SASH1: variants seen among roughly 807,000 people sequenced by gnomAD.
The protein encoded by SASH1 is SAM and SH3 domain-containing protein 1.
In SASH1, 44 loss-of-function variants were observed where a neutral mutation model predicts 125.2. The ratio of observed to expected loss-of-function variants is 0.35; its 90% CI spans 0.28 to 0.45. The LOEUF is 0.45. Ranked by LOEUF, SASH1 falls within the 20% of genes least tolerant of loss-of-function variation. The probability of loss-of-function intolerance (pLI) is 1.00; values close to 1 mark genes in which losing one functional copy is unlikely to be tolerated. For synonymous variants in SASH1, 639 were observed against 649.1 expected (o/e 0.98, Z 0.24); for missense variants, 1,426 against 1,614.5 (o/e 0.88, Z 2.00).
At chr6:148,330,148 G>A (rs1780948618) in intron 1 of SASH1, among the ~76,000 whole-genome samples, 1 of 152,108 alleles carries the variant, frequency 6.6e-6, no homozygotes, top group Non-Finnish European at 1.5e-5. Flanking sequence ...GTTATATTCA[G>A]CTCACTGCCT....
chr6:148,212,728 T>C, the SASH1 span, among the ~76,000 whole-genome samples: 1 of 152,230 alleles, frequency 6.6e-6, no homozygotes, highest in African/African-American at 2.4e-5. Context: ...CTGTGTGTCA[T>C]GCACTCACTT....
At chr6:148,427,546 G>A (rs1319971155) in intron 2 of SASH1, among the ~76,000 whole-genome samples, 1 of 151,758 alleles carries the variant, frequency 6.6e-6, no homozygotes, top group African/African-American at 2.4e-5. Context: ...AAAATGCTTG[G>A]TATGTGGTAT....
In SASH1 at chr6:148,463,051, C is replaced by G. The variant is rs144608558; in HGVS notation, c.387-5494C>G. ...TGTGTTCCTCCTCCTACTCTATGGT[C>G]TTACGAGGATCTCCACTGTAAAGCA... is the stretch of plus-strand genomic sequence containing the variant. On this transcript the variant is annotated intron_variant, in intron 4 of 19. Coordinates refer to ENST00000367467, the MANE Select transcript of SASH1 (RefSeq NM_015278.5). Among the ~76,000 whole-genome samples, 430 of 152,098 alleles carry G rather than the reference C, an allele frequency of 2.8e-3. 1 individual carries two copies. The highest frequency in any genetic ancestry group is 4.8e-3 in the Non-Finnish European group (328 of 68,012).
chr6:148,459,859 G>T (rs1028338902), intron 4 of SASH1, among the ~76,000 whole-genome samples: 43 of 152,158 alleles, frequency 2.8e-4, no homozygotes, highest in Admixed American at 2.5e-3. Flanking sequence ...AGGAAACTGG[G>T]AATCAGTGGG....
chr6:148,284,158 G>A (rs1779421740), intron 1 of SASH1, among the ~76,000 whole-genome samples: 1 of 152,140 alleles, frequency 6.6e-6, no homozygotes, highest in Admixed American at 6.5e-5. Context: ...ATAATACATG[G>A]CCAAGCATGT....
In SASH1 at chr6:148,474,298, G is replaced by C. The variant is rs1464427816; in HGVS notation, c.627+76G>C. ...GTGTAAAAATGTTTGCGGCCAACAAGGGGTATAGGAATCAGGTACCCATGT... is the reference window on the plus strand; with the variant it reads ...GTGTAAAAATGTTTGCGGCCAACAACGGGTATAGGAATCAGGTACCCATGT... On this transcript the variant is annotated intron_variant, in intron 7 of 19. Transcript: ENST00000367467. The C allele has an allele frequency of 8.5e-6, 7 of 820,266 alleles. No homozygotes were observed. The East Asian group carries it at 1.6e-4, about 19-fold the overall frequency. The allele number at this position is 820,266 out of a possible 1,614,324, so 50.8% of individuals were successfully genotyped here.
In SASH1 at chr6:148,282,159, G is replaced by A. The variant is rs142459211; in HGVS notation, n.74+9782G>A. On this transcript the variant is annotated intron_variant and non_coding_transcript_variant, in intron 1 of 3. Coordinates refer to the SASH1 transcript ENST00000367469. ...TATCTTCACAGAAAGGTCTCCGCCC[G>A]GGGCTACAGTCAGCCAGTGGCTGAG... is the stretch of plus-strand genomic sequence containing the variant. 2.9e-3 allele frequency among the ~76,000 whole-genome samples: 435 copies of A among 152,280 alleles called. 4 individuals carry two copies. The highest frequency in any genetic ancestry group is 0.015 in the South Asian group (74 of 4,826).
chr6:148,429,432 A>T (rs1245353776), intron 2 of SASH1, among the ~76,000 whole-genome samples: 2 of 147,602 alleles, frequency 1.4e-5, no homozygotes, highest in Non-Finnish European at 3.0e-5. Flanking sequence ...AAAAAGAGTC[A>T]GGCTTATTGG....
intron 8 of SASH1, among the ~76,000 whole-genome samples, chr6:148,498,653 A>G (rs1779422957): frequency 1.3e-5 from 2 of 152,234 alleles, no homozygotes; most frequent in Admixed American, 6.5e-5. Context: ...CATACCACAG[A>G]GGATATGCCA....
At chr6:148,396,754 A>G (rs775698424) in intron 2 of SASH1, among the ~76,000 whole-genome samples, 17 of 152,180 alleles carry the variant, frequency 1.1e-4, no homozygotes, top group Non-Finnish European at 2.1e-4. Context: ...AAAGAGGCTG[A>G]GGGAGTCACA....
chr6:148,486,751 C>CA (rs58789520), intron 7 of SASH1, among the ~76,000 whole-genome samples: 1,547 of 76,918 alleles, frequency 0.02, 34 homozygotes, highest in African/African-American at 0.065. Flanking sequence ...CCCATCTCTA[C>CA]AAAAAAAAAA....
chr6:148,313,713 G>A (rs1780399069), intron 1 of SASH1, among the ~76,000 whole-genome samples: 1 of 152,146 alleles, frequency 6.6e-6, no homozygotes, highest in Non-Finnish European at 1.5e-5. Context: ...GGCCTCGGTG[G>A]CTGTGGCACG....
intron 2 of SASH1, among the ~76,000 whole-genome samples, chr6:148,425,149 G>A (rs545311314): frequency 1.3e-5 from 2 of 152,250 alleles, no homozygotes; most frequent in South Asian, 2.1e-4. Flanking sequence ...AAGGTGCAGT[G>A]GTCAGATGTG....
At chr6:148,380,418 A>G (rs893290059) in intron 1 of SASH1, among the ~76,000 whole-genome samples, 2 of 152,212 alleles carry the variant, frequency 1.3e-5, no homozygotes, top group African/African-American at 4.8e-5. Flanking sequence ...GAAAATGTTC[A>G]CAGCCTCACG....
At chr6:148,356,628 T>C (rs9403948) in intron 1 of SASH1, among the ~76,000 whole-genome samples, 114,650 of 151,080 alleles carry the variant, frequency 0.76, 43,667 homozygotes, top group African/African-American at 0.86. Context: ...CACCACCACA[T>C]CCAGCTAATT....
rs6909677 is a variant in SASH1 at position 148,540,580 on chromosome 6, G to A, written c.2209+24G>A. 0.14 allele frequency: 214,020 copies of A among 1,561,418 alleles called. 15,213 individuals carry two copies. Among genetic ancestry groups the A allele is most frequent in the Non-Finnish European group, 0.14 (158,033 of 1,135,058 alleles). On this transcript the variant is annotated intron_variant, in intron 17 of 19. Transcript: ENST00000367467. ...CGGTAATGTCAGCATGAGTCGCTGG[G>A]AACCTGCTTTGACAAGTACTGATTT...
At chr6:148,508,116 T>C (rs1478293141) in intron 8 of SASH1, among the ~76,000 whole-genome samples, 1 of 152,134 alleles carries the variant, frequency 6.6e-6, no homozygotes, top group Non-Finnish European at 1.5e-5. Context: ...ATTAAAACAA[T>C]TTGTTAAGAG....
intron 2 of SASH1, among the ~76,000 whole-genome samples, chr6:148,436,325 T>C (rs1776289412): frequency 6.6e-6 from 1 of 151,758 alleles, no homozygotes. Flanking sequence ...ACCCCATCTC[T>C]ACACAAAGTA....
At chr6:148,404,133 C>T (rs1280459991) in intron 2 of SASH1, among the ~76,000 whole-genome samples, 2 of 152,084 alleles carry the variant, frequency 1.3e-5, no homozygotes, top group African/African-American at 4.8e-5. Flanking sequence ...TAAAGTGAGG[C>T]TTTCTTATTA....
Sources: allele counts gnomAD v4.1 joint callset (sites outside exome capture counted in the v4.1 genomes callset), GRCh38; gene constraint gnomAD v4.1.1; transcripts MANE v1.5; gene names NCBI Gene and HGNC (gene_info 2026-07-23, HGNC 2026-07-21).